GRHL1: variants seen among roughly 807,000 people sequenced by gnomAD.
GRHL1 encodes the protein grainyhead like transcription factor 1.
GRHL1 carries 38 observed loss-of-function variants against 75.7 expected under a neutral mutation model. That is an observed-to-expected ratio of 0.50 (90% confidence interval 0.39 to 0.66). The LOEUF (loss-of-function observed/expected upper bound fraction) is 0.66, where lower values mean the gene tolerates loss of function less well. GRHL1 is among the 30% of genes least tolerant of loss of function. The pLI is 0.00. For missense variants in GRHL1, 589 were observed against 767.5 expected (o/e 0.77, Z 2.75); for synonymous variants, 266 against 279.4 (o/e 0.95, Z 0.48).
At chr2:9,999,228 C>G (rs1290739947) in intron 15 of GRHL1, among the ~76,000 whole-genome samples, 199 bp downstream of exon 15, 1 of 152,188 alleles carries the variant, frequency 6.6e-6, no homozygotes, top group Admixed American at 6.5e-5. Flanking sequence ...CAGAAGCAGC[C>G]AAAGAAACCT....
At chr2:10,000,395 C>G (rs1212030602) in intron 15 of GRHL1, among the ~76,000 whole-genome samples, 198 bp from the exon 16 acceptor site, 1 of 152,206 alleles carries the variant, frequency 6.6e-6, no homozygotes, top group Non-Finnish European at 1.5e-5. Context: ...CCTCCTAACT[C>G]AATTCTCTCA....
Position 10,000,684 on chromosome 2 carries a change from A to C in GRHL1, c.1834A>C (p.Lys612Gln), listed in dbSNP as rs1405451750. Residue 612 changes from lysine to glutamine, a missense_variant, in exon 16 of 16, where the codon AAG (lysine) becomes CAG (glutamine). By Grantham distance (53) the Lys-to-Gln change is moderately conservative. This residue lies in a region of GRHL1 where 192 missense variants were observed against 226.6 expected (regional missense o/e 0.85). Coordinates refer to ENST00000324907, the MANE Select transcript of GRHL1 (RefSeq NM_198182.3). ...GATTGAAGAAGCCGGGGGGTCTTAC[A>C]AGCTCACCCTGACGGAGATCTAAAG... ...LQIEEAGGSY[K>Q]LTLTEI 2.5e-6 allele frequency: 4 copies of C among 1,604,528 alleles called. No individual in the cohort carries two copies. In the African/African-American group the frequency reaches 5.4e-5, roughly 21 times the overall value.
intron 8 of GRHL1, among the ~76,000 whole-genome samples, chr2:9,970,079 G>A (rs1056033662): frequency 4.3e-4 from 66 of 152,166 alleles, no homozygotes; most frequent in African/African-American, 1.5e-3. Flanking sequence ...TCCTGACCTC[G>A]TGATCCACCT....
rs1157193215 is a variant in GRHL1, at chr2:10,001,956, C to G, written c.*1249C>G. 1.3e-5 allele frequency: 2 copies of G among 152,480 alleles called. No individual in the cohort carries two copies. The highest frequency in any genetic ancestry group is 4.8e-5 in the African/African-American group (2 of 41,384). 9.4% of individuals were successfully genotyped at this position (152,480 alleles called of 1,614,324 possible). On this transcript the variant is annotated 3_prime_UTR_variant, in exon 16 of 16. Coordinates refer to ENST00000324907, the MANE Select transcript of GRHL1 (RefSeq NM_198182.3). ...AATTCACAAAAATATGTTACTATGG[C>G]AGGGGAACATTTTGTACACATTTAA... is the stretch of plus-strand genomic sequence containing the variant.
At chr2:9,979,020 TGTA>T (rs1668076115) in intron 8 of GRHL1, among the ~76,000 whole-genome samples, 1 of 150,158 alleles carries the variant, frequency 6.7e-6, no homozygotes, top group Non-Finnish European at 1.5e-5. Context: ...ATTAGCCAGA[TGTA>T]GTGGTGCGCG....
chr2:9,988,304 A>AC (rs1174886131), intron 9 of GRHL1, among the ~76,000 whole-genome samples: 3 of 152,152 alleles, frequency 2.0e-5, no homozygotes, highest in Admixed American at 2.0e-4. Context: ...TGAATATTCT[A>AC]CCAAGTGCCC....
In GRHL1 at chr2:9,961,293, C is replaced by A. The variant is rs1437679284; in HGVS notation, c.526C>A (p.His176Asn). 1 of 1,614,198 alleles carries A rather than the reference C, an allele frequency of 6.2e-7. No individual in the cohort carries two copies. Reference protein sequence around the residue: ...FAVGIPPAVYHPEPTERVVVF... With the variant: ...FAVGIPPAVYNPEPTERVVVF... ...TGTGGGAATCCCCCCAGCAGTGTAT[C>A]ATCCTGAGCCCACTGAGCGGGTGGT... is the stretch of plus-strand genomic sequence containing the variant. The change falls in exon 4 of 16, where the codon CAT becomes AAT. Residue 176 changes from histidine (H) to asparagine (N), a missense_variant. Around this residue, in one of 5 missense-constraint regions of GRHL1, gnomAD observed 362 missense variants for 461.8 expected, o/e 0.78. Transcript: ENST00000324907.
At chr2:9,952,102 C>T (rs1666807733) in intron 1 of GRHL1, among the ~76,000 whole-genome samples, 2 of 138,890 alleles carry the variant, frequency 1.4e-5, no homozygotes, top group Non-Finnish European at 3.1e-5. Flanking sequence ...GGGCCACCCT[C>T]CTCCCCTCCT....
chr2:9,983,282 T>G (rs754309855), intron 8 of GRHL1, among the ~76,000 whole-genome samples: 7 of 151,768 alleles, frequency 4.6e-5, no homozygotes, highest in Non-Finnish European at 7.4e-5. Context: ...CCTGGGATGT[T>G]TGTGTATTTA....
intron 8 of GRHL1, among the ~76,000 whole-genome samples, chr2:9,983,500 G>C (rs549800781): frequency 6.6e-6 from 1 of 152,252 alleles, no homozygotes; most frequent in Admixed American, 6.5e-5. Flanking sequence ...CCGATCCTGG[G>C]ATTTGGCCCC....
At position 9,996,393 on chromosome 2, in the gene GRHL1, A is replaced by T. The variant is rs1668863487; in HGVS notation, c.1669A>T (p.Met557Leu). ...CAAAACCCCATCTTTGAAGGGCTTG[A>T]TGGAAGCTGTAAGTAGGATCAACTC... ...MLKTPSLKGL[M>L]EAISDKYDVP... The change falls in exon 14 of 16, where the codon ATG (methionine) becomes TTG (leucine). Residue 557 changes from methionine (M) to leucine (L), a missense_variant. Met to Leu is a conservative substitution (Grantham distance 15). This residue lies in a region of GRHL1 where 192 missense variants were observed against 226.6 expected (regional missense o/e 0.85). Transcript: ENST00000324907. 6.2e-7 allele frequency: 1 copy of T among 1,601,162 alleles called. No homozygotes were observed. The highest frequency in any genetic ancestry group is 1.1e-5 in the South Asian group (1 of 90,786).
At chr2:9,967,104 T>A (rs183667539) in intron 8 of GRHL1, among the ~76,000 whole-genome samples, 1 of 152,230 alleles carries the variant, frequency 6.6e-6, no homozygotes, top group African/African-American at 2.4e-5. Flanking sequence ...CTGTTTGCCA[T>A]TGGGGCCTCA....
intron 8 of GRHL1, among the ~76,000 whole-genome samples, chr2:9,973,020 A>G (rs571201519): frequency 1.3e-3 from 195 of 152,154 alleles, no homozygotes; most frequent in Non-Finnish European, 2.1e-3. Context: ...TCTTCAGGGA[A>G]ACGCCCCACA....
At chr2:9,962,750 T>C (rs1443812206) in intron 5 of GRHL1, among the ~76,000 whole-genome samples, 3 of 152,160 alleles carry the variant, frequency 2.0e-5, no homozygotes. Context: ...GTGTTGGTGC[T>C]TTTTCTTTCT....
At chr2:9,988,987 A>ATGG (rs1259106098) in intron 9 of GRHL1, among the ~76,000 whole-genome samples, 2 of 152,118 alleles carry the variant, frequency 1.3e-5, no homozygotes, top group Non-Finnish European at 2.9e-5. Context: ...GAATGAAGTT[A>ATGG]TGGTTAGACT....
intron 9 of GRHL1, among the ~76,000 whole-genome samples, chr2:9,988,241 G>C (rs1012940101): frequency 6.6e-6 from 1 of 152,188 alleles, no homozygotes; most frequent in African/African-American, 2.4e-5. Context: ...GGCGGATCTG[G>C]AGCTGTGCTC....
At position 9,961,425 on chromosome 2, in the gene GRHL1, G is replaced by C; in HGVS notation, c.658G>C (p.Gly220Arg). 6.2e-7 allele frequency: 1 copy of C among 1,606,188 alleles called. No individual in the cohort carries two copies. Among genetic ancestry groups the C allele is most frequent in the Non-Finnish European group, 8.5e-7 (1 of 1,173,462 alleles). ...DSTFSETFKEGVQEVFFPSDL... is the reference protein window; with the variant it reads ...DSTFSETFKERVQEVFFPSDL... ...GACCTTCTCAGAGACCTTCAAGGAA[G>C]GCGTTCAGGAGGTAAGGAAACAAAA... The change falls in exon 4 of 16, where the codon GGC becomes CGC. Residue 220 changes from glycine to arginine, a missense_variant. Around this residue, in one of 5 missense-constraint regions of GRHL1, gnomAD observed 362 missense variants for 461.8 expected, o/e 0.78. Coordinates refer to ENST00000324907, the MANE Select transcript of GRHL1 (RefSeq NM_198182.3).
chr2:9,985,884 G>A (rs184898209), intron 8 of GRHL1, among the ~76,000 whole-genome samples: 44 of 152,330 alleles, frequency 2.9e-4, no homozygotes, highest in African/African-American at 9.6e-4. Context: ...GGGAACATAA[G>A]CAGAGGTTCA....
chr2:9,955,838 C>T (rs1423939913), intron 2 of GRHL1, among the ~76,000 whole-genome samples: 27 of 152,264 alleles, frequency 1.8e-4, no homozygotes, highest in Admixed American at 1.8e-3. Context: ...TACCGCTCTC[C>T]TTCTGGATTC....
Sources: allele counts gnomAD v4.1 joint callset (sites outside exome capture counted in the v4.1 genomes callset), GRCh38; gene constraint gnomAD v4.1.1; regional missense constraint gnomAD v4.1.1; transcripts MANE v1.5; gene names NCBI Gene and HGNC (gene_info 2026-07-23, HGNC 2026-07-21).